ADA2: variants seen among roughly 807,000 people sequenced by gnomAD.
ADA2 encodes adenosine deaminase 2.
A neutral mutation model predicts 44.2 loss-of-function variants in ADA2; 29 were observed. The ratio of observed to expected loss-of-function variants is 0.66; its 90% CI spans 0.49 to 0.89. The LOEUF is 0.89. Ranked by LOEUF, ADA2 falls within the 40% of genes least tolerant of loss-of-function variation. The probability of loss-of-function intolerance (pLI) is 0.00; values close to 1 mark genes in which losing one functional copy is unlikely to be tolerated. For synonymous variants in ADA2, 215 were observed against 234.9 expected, an observed-to-expected ratio of 0.92 and a Z score of 0.77; for missense variants, 637 against 644.8, an observed-to-expected ratio of 0.99 and a Z score of 0.13.
intron 6 of ADA2, chr22:17,189,721 C>T: frequency 2.0e-6 from 1 of 512,328 alleles, no homozygotes; most frequent in Non-Finnish European, 3.5e-6. Flanking sequence ...TGGCTGTCTG[C>T]TCTCCCTTCT....
At chr22:17,183,454 CTCTTTTTTT>C (rs2061996637) in intron 7 of ADA2, among the ~76,000 whole-genome samples, 1 of 76,138 alleles carries the variant, frequency 1.3e-5, no homozygotes, top group Non-Finnish European at 2.7e-5. Context: ...TTTTGTGGCA[CTCTTTTTTT>C]TTTTTTTTTT....
At chr22:17,205,513 A>T (rs1279758854) in intron 3 of ADA2, among the ~76,000 whole-genome samples, 1 of 152,168 alleles carries the variant, frequency 6.6e-6, no homozygotes, top group Non-Finnish European at 1.5e-5. Context: ...AAATAACTCG[A>T]ATCAGCACCC....
chr22:17,217,390 G>A (rs1481604162), intron 1 of ADA2, among the ~76,000 whole-genome samples: 1 of 152,170 alleles, frequency 6.6e-6, no homozygotes, highest in Non-Finnish European at 1.5e-5. Context: ...CAGAGCATTA[G>A]CATTAGAAAG....
chr22:17,187,392 C>G (rs575083210), intron 7 of ADA2, among the ~76,000 whole-genome samples: 56 of 152,078 alleles, frequency 3.7e-4, no homozygotes, highest in African/African-American at 1.3e-3. Context: ...TGGGCTCAGG[C>G]AATCCTCCCA....
chr22:17,202,419 C>A (rs2062300750), intron 4 of ADA2, among the ~76,000 whole-genome samples: 1 of 152,042 alleles, frequency 6.6e-6, no homozygotes, highest in African/African-American at 2.4e-5. Context: ...GCCACCTCGC[C>A]CGGCCAACAG....
Position 17,180,170 on chromosome 22 carries a change from T to C in ADA2, c.*1313A>G, listed in dbSNP as rs1217232361. 6.6e-6 allele frequency: 1 copy of C among 152,236 alleles called. No individual in the cohort carries two copies. Among genetic ancestry groups the C allele is most frequent in the African/African-American group, 2.4e-5 (1 of 41,362 alleles). 9.4% of individuals were successfully genotyped at this position (152,236 alleles called of 1,614,324 possible). A position where few individuals can be genotyped will look rare whatever the true frequency, so the allele number is the denominator to read the frequency against. ...AAACAAACAAAATGTCATTCTACAC[T>C]GTGAAAAATGAGCTGGAGGAGGCAA... On this transcript the variant is annotated 3_prime_UTR_variant, in exon 10 of 10. Coordinates refer to ENST00000399837, the MANE Select transcript of ADA2 (RefSeq NM_001282225.2).
chr22:17,208,464 TTA>T (rs2062380053), intron 2 of ADA2, among the ~76,000 whole-genome samples: 3 of 149,544 alleles, frequency 2.0e-5, no homozygotes, highest in Non-Finnish European at 4.4e-5. Flanking sequence ...AAAACAGGTG[TTA>T]AGTCTTTGTA....
chr22:17,211,396 G>A (rs1243788270), intron 1 of ADA2, among the ~76,000 whole-genome samples: 1 of 151,856 alleles, frequency 6.6e-6, no homozygotes, highest in East Asian at 1.9e-4. Context: ...ACCAGGTGCT[G>A]GCACAGCAGG....
chr22:17,191,614 TC>T, intron 5 of ADA2, 68 bp downstream of exon 5: 1 of 988,136 alleles, frequency 1.0e-6, no homozygotes, highest in South Asian at 1.3e-5. Flanking sequence ...ACCCCTCCCC[TC>T]CCAGCCTAGT....
At chr22:17,213,641 CA>C in intron 1 of ADA2, 1 of 276,890 alleles carries the variant, frequency 3.6e-6, no homozygotes, top group South Asian at 3.4e-5. Context: ...TGGGAATGAA[CA>C]AAAAGAATGA....
chr22:17,192,919 AC>A, intron 4 of ADA2: 1 of 568,122 alleles, frequency 1.8e-6, no homozygotes, highest in Non-Finnish European at 3.3e-6. Flanking sequence ...CCACCCTCAG[AC>A]CCCTTGTGAA....
At position 17,181,689 on chromosome 22, in the gene ADA2, A is replaced by G. The variant is rs569141813; in HGVS notation, c.1443-113T>C. 4 of 1,063,538 alleles carry G rather than the reference A, an allele frequency of 3.8e-6. No individual in the cohort carries two copies. The South Asian group carries it at 5.2e-5, about 14-fold the overall frequency. 65.9% of individuals were successfully genotyped at this position (1,063,538 alleles called of 1,614,324 possible). A position where few individuals can be genotyped will look rare whatever the true frequency, so the allele number is the denominator to read the frequency against. ...GAGCACTCTCCCCAGGCCAGCAGCA[A>G]GGACTAAACAGCCATGATGAGAAGG... On this transcript the variant is annotated intron_variant, in intron 9 of 9. Coordinates refer to ENST00000399837, the MANE Select transcript of ADA2 (RefSeq NM_001282225.2).
chr22:17,207,017 C>A lies in ADA2; in HGVS notation c.542+54G>T, dbSNP rs2062359738. ...GGTTTGTACCAAGGGAGACACCTAC[C>A]CACTGCCACCCCATGACAGGCCTGG... On this transcript the variant is annotated intron_variant, in intron 3 of 9. Transcript: ENST00000399837. The A allele has an allele frequency of 5.1e-6, 7 of 1,367,024 alleles. No homozygotes were observed. In the Admixed American group the frequency reaches 1.2e-4, roughly 23 times the overall value. The allele number at this position is 1,367,024 out of a possible 1,614,324, so 84.7% of individuals were successfully genotyped here. A position where few individuals can be genotyped will look rare whatever the true frequency, so the allele number is the denominator to read the frequency against.
At chr22:17,205,796 C>T (rs536411393) in intron 3 of ADA2, among the ~76,000 whole-genome samples, 10 of 151,654 alleles carry the variant, frequency 6.6e-5, no homozygotes, top group African/African-American at 1.4e-4. Context: ...CTGGGCAACA[C>T]GGCAAAACCC....
At position 17,209,889 on chromosome 22, in the gene ADA2, A is replaced by AT. The variant is rs532707544; in HGVS notation, c.-46-167dup. On this transcript the variant is annotated intron_variant, in intron 1 of 9. Coordinates refer to ENST00000399837, the MANE Select transcript of ADA2 (RefSeq NM_001282225.2). Reference sequence around the variant, plus strand: ...GGTACAGACAGGTAGGGGTTTCCCAATTTTTTTTTTTTTTTTTTTGAGACG... The same window carrying AT: ...GGTACAGACAGGTAGGGGTTTCCCAATTTTTTTTTTTTTTTTTTTTGAGACG... 0.19 allele frequency: 74,663 copies of AT among 399,084 alleles called. 1,532 individuals carry two copies. The highest frequency in any genetic ancestry group is 0.22 in the East Asian group (4,755 of 21,820). 24.7% of individuals were successfully genotyped at this position (399,084 alleles called of 1,614,324 possible). A position where few individuals can be genotyped will look rare whatever the true frequency, so the allele number is the denominator to read the frequency against.
At chr22:17,216,318 T>C (rs1463259226) in intron 1 of ADA2, among the ~76,000 whole-genome samples, 7 of 151,948 alleles carry the variant, frequency 4.6e-5, no homozygotes, top group African/African-American at 1.7e-4. Context: ...TGAGCCATGA[T>C]GGTGCCATTG....
At chr22:17,220,629 T>G (rs2123743342), upstream of ADA2, among the ~76,000 whole-genome samples, 1 of 152,116 alleles carries the variant, frequency 6.6e-6, no homozygotes, top group Non-Finnish European at 1.5e-5. Flanking sequence ...ACCAGGGACC[T>G]CCATGTCACA....
Position 17,181,332 on chromosome 22 carries a change from G to C in ADA2, c.*151C>G. ...CTGAGAGAGAATATTTCCAGAGGAT[G>C]AATTTGCTCAGCCAGCCAAGTGCTT... On this transcript the variant is annotated 3_prime_UTR_variant, in exon 10 of 10. Transcript: ENST00000399837. The C allele has an allele frequency of 1.5e-6, 1 of 661,864 alleles. No homozygotes were observed. Among genetic ancestry groups the C allele is most frequent in the South Asian group, 1.7e-5 (1 of 58,448 alleles). The allele number at this position is 661,864 out of a possible 1,614,324, so 41.0% of individuals were successfully genotyped here. A position where few individuals can be genotyped will look rare whatever the true frequency, so the allele number is the denominator to read the frequency against.
intron 1 of ADA2, among the ~76,000 whole-genome samples, chr22:17,216,038 T>C (rs927068570): frequency 1.3e-5 from 2 of 150,948 alleles, no homozygotes; most frequent in Non-Finnish European, 3.0e-5. Context: ...AATACAAAAA[T>C]TAGTCAGGCG....
Sources: allele counts gnomAD v4.1 joint callset (sites outside exome capture counted in the v4.1 genomes callset), GRCh38; gene constraint gnomAD v4.1.1; transcripts MANE v1.5; gene names NCBI Gene and HGNC (gene_info 2026-07-23, HGNC 2026-07-21).